The following HVCN1 variants were observed in gnomAD, a reference collection of about 807,000 sequenced individuals.
HVCN1 encodes the protein hydrogen voltage gated channel 1, also known as voltage-gated hydrogen channel 1.
A neutral mutation model predicts 29.2 loss-of-function variants in HVCN1; 14 were observed. The ratio of observed to expected loss-of-function variants is 0.48; its 90% CI spans 0.32 to 0.75. The LOEUF (loss-of-function observed/expected upper bound fraction) is 0.75, where lower values mean the gene tolerates loss of function less well. HVCN1 is among the 30% of genes least tolerant of loss of function. HVCN1 has a pLI of 0.04. For synonymous variants in HVCN1, 131 were observed against 133.2 expected, an observed-to-expected ratio of 0.98 and a Z score of 0.11; for missense variants, 263 against 341.8, an observed-to-expected ratio of 0.77 and a Z score of 1.82.
At chr12:110,650,744 G>C (rs1024423821) in intron 6 of HVCN1, among the ~76,000 whole-genome samples, 1 of 146,600 alleles carries the variant, frequency 6.8e-6, no homozygotes, top group African/African-American at 2.5e-5. Flanking sequence ...ACCCAGGCTA[G>C]AGTGCAGTGC....
At chr12:110,682,968 A>AC in intron 3 of HVCN1, 1 of 420,390 alleles carries the variant, frequency 2.4e-6, no homozygotes, top group East Asian at 5.3e-5. Flanking sequence ...CCATCTCAAA[A>AC]AAAAAAAAAC....
At chr12:110,663,693 A>G (rs905451786) in intron 3 of HVCN1, among the ~76,000 whole-genome samples, 2 of 152,066 alleles carry the variant, frequency 1.3e-5, no homozygotes, top group Non-Finnish European at 2.9e-5. Context: ...GGGACACTAT[A>G]CAGCAGTTAA....
chr12:110,655,375 C>A, intron 4 of HVCN1, 37 bp from the exon 5 acceptor site: 2 of 1,482,882 alleles, frequency 1.3e-6, no homozygotes, highest in Non-Finnish European at 9.4e-7. Flanking sequence ...ATCATGAGAC[C>A]CCCACAGAGG....
intron 3 of HVCN1, among the ~76,000 whole-genome samples, chr12:110,682,210 A>G (rs1480682129): frequency 6.6e-6 from 1 of 151,814 alleles, no homozygotes; most frequent in African/African-American, 2.4e-5. Context: ...CTGGTCTCAA[A>G]CTCCTGACTT....
upstream of HVCN1, chr12:110,689,608 G>C (rs2069354584): frequency 6.6e-6 from 1 of 152,444 alleles, no homozygotes; most frequent in African/African-American, 2.4e-5. The surrounding 1 kb of genome is among the most constrained non-coding windows in gnomAD (Gnocchi z 5.7). Context: ...CTGCCATGCA[G>C]GGGTGGAGGG....
At position 110,650,162 on chromosome 12, in the gene HVCN1, T is replaced by A; in HGVS notation, c.756+6A>T. On this transcript the variant is annotated splice_donor_region_variant and intron_variant, in intron 7 of 7. Coordinates refer to ENST00000242607, the MANE Select transcript of HVCN1 (RefSeq NM_032369.4). ...GCCTGGTCCCCAGATGTGTCGTCTTTCTTACCTTCTCAGAGCAGCTGAACT... is the reference window on the plus strand; with the variant it reads ...GCCTGGTCCCCAGATGTGTCGTCTTACTTACCTTCTCAGAGCAGCTGAACT... 1 of 1,593,146 alleles carries A rather than the reference T, an allele frequency of 6.3e-7. No individual in the cohort carries two copies. Among genetic ancestry groups the A allele is most frequent in the Non-Finnish European group, 8.6e-7 (1 of 1,161,020 alleles).
At chr12:110,699,774 C>T (rs941224699) in intron 2 of HVCN1, among the ~76,000 whole-genome samples, 1 of 152,138 alleles carries the variant, frequency 6.6e-6, no homozygotes, top group Admixed American at 6.5e-5. Flanking sequence ...TCACAATGGC[C>T]ATGAGGTAGG....
At chr12:110,687,292 C>A (rs2069227737) in intron 2 of HVCN1, among the ~76,000 whole-genome samples, 1 of 151,306 alleles carries the variant, frequency 6.6e-6, no homozygotes, top group Admixed American at 6.6e-5. Context: ...GGAAGCCAGC[C>A]AGCCAGAGTA....
At chr12:110,660,004 A>C (rs866903871) in intron 4 of HVCN1, among the ~76,000 whole-genome samples, 1 of 151,326 alleles carries the variant, frequency 6.6e-6, no homozygotes, top group African/African-American at 2.4e-5. Flanking sequence ...CAGAGGTTGC[A>C]GTGAGCTGAA....
In HVCN1 at chr12:110,698,021, G is replaced by A. The variant is rs988743375; in HGVS notation, c.-104+4288C>T. ...AATTATTCACAAGGCCACACAGCTG[G>A]TAAGAGGCAGAGCTAGAACATGAAC... is the stretch of plus-strand genomic sequence containing the variant. On this transcript the variant is annotated intron_variant, in intron 2 of 4. Coordinates refer to the HVCN1 transcript ENST00000546713. Among the ~76,000 whole-genome samples, 6 of 152,182 alleles carry A rather than the reference G, an allele frequency of 3.9e-5. No homozygotes were observed. In the East Asian group the frequency reaches 7.7e-4, roughly 20 times the overall value.
At chr12:110,668,672 A>C (rs2068455670) in intron 3 of HVCN1, among the ~76,000 whole-genome samples, 1 of 152,032 alleles carries the variant, frequency 6.6e-6, no homozygotes, top group African/African-American at 2.4e-5. Flanking sequence ...TGTTTCTGTC[A>C]CTTATAACCC....
chr12:110,662,865 C>A (rs2136306445), intron 3 of HVCN1, among the ~76,000 whole-genome samples: 1 of 151,998 alleles, frequency 6.6e-6, no homozygotes, highest in East Asian at 1.9e-4. Flanking sequence ...ATGTGATAGA[C>A]AAAGAGTAAC....
chr12:110,673,933 G>T (rs1263018742), intron 3 of HVCN1, among the ~76,000 whole-genome samples: 1 of 152,242 alleles, frequency 6.6e-6, no homozygotes, highest in Non-Finnish European at 1.5e-5. Flanking sequence ...CCCTTCTGGG[G>T]TATCACCTAG....
At chr12:110,693,994 T>C (rs1483883975), upstream of HVCN1, among the ~76,000 whole-genome samples, 2 of 152,196 alleles carry the variant, frequency 1.3e-5, no homozygotes, top group African/African-American at 2.4e-5. Context: ...GTCCTCCGCA[T>C]TTCTTACCAA....
chr12:110,666,972 C>T (rs2068386492), intron 3 of HVCN1, among the ~76,000 whole-genome samples: 1 of 152,128 alleles, frequency 6.6e-6, no homozygotes, highest in Non-Finnish European at 1.5e-5. Flanking sequence ...TTGTATGACA[C>T]CTGACCTTGA....
intron 2 of HVCN1, among the ~76,000 whole-genome samples, chr12:110,695,565 G>A (rs1203875278): frequency 2.0e-5 from 3 of 152,072 alleles, no homozygotes; most frequent in Non-Finnish European, 4.4e-5. Context: ...TGAAAACAAT[G>A]AAGTATTGCA....
intron 4 of HVCN1, among the ~76,000 whole-genome samples, chr12:110,659,202 ATTTTTT>A (rs11361209): frequency 6.6e-6 from 1 of 150,656 alleles, no homozygotes; most frequent in Non-Finnish European, 1.5e-5. Flanking sequence ...GACCAAAATA[ATTTTTT>A]TTTTCTCTTT....
At chr12:110,680,967 T>C (rs2068946034) in intron 3 of HVCN1, among the ~76,000 whole-genome samples, 1 of 152,198 alleles carries the variant, frequency 6.6e-6, no homozygotes, top group South Asian at 2.1e-4. Flanking sequence ...GACAATTTTC[T>C]ATCTTATTTT....
At position 110,661,043 on chromosome 12, in the gene HVCN1, G is replaced by A. The variant is rs574350023; in HGVS notation, c.306+121C>T. 6.3e-6 allele frequency: 6 copies of A among 950,246 alleles called. No individual in the cohort carries two copies. In the East Asian group the frequency reaches 9.7e-5, roughly 15 times the overall value. 58.9% of individuals were successfully genotyped at this position (950,246 alleles called of 1,614,324 possible). A position where few individuals can be genotyped will look rare whatever the true frequency, so the allele number is the denominator to read the frequency against. The stretch of plus-strand genomic sequence containing the variant: ...GGGTCCCCGGCACGTGGTAGGTGCT[G>A]GGCAAACACTCGTAGAATGAATGAG... On this transcript the variant is annotated intron_variant, in intron 4 of 7. Transcript: ENST00000242607. The surrounding 1 kb of genome is among the most constrained non-coding windows in gnomAD (Gnocchi z 6.2).
Sources: gnomAD v4.1 joint callset for allele counts (sites outside exome capture counted in the v4.1 genomes callset) on GRCh38, gnomAD v4.1.1 for gene constraint, Gnocchi (gnomAD v3.1) non-coding constraint, MANE v1.5 for transcripts, NCBI Gene and HGNC (gene_info 2026-07-23, HGNC 2026-07-21) for gene names.